The following TAFA4 variants were observed in gnomAD, a reference collection of about 807,000 sequenced individuals.
TAFA4 encodes TAFA chemokine like family member 4.
A neutral mutation model predicts 21.1 loss-of-function variants in TAFA4; 20 were observed. The ratio of observed to expected loss-of-function variants is 0.95; its 90% CI spans 0.67 to 1.38. The LOEUF (loss-of-function observed/expected upper bound fraction) is 1.38, where lower values mean the gene tolerates loss of function less well. Among genes scored for constraint, TAFA4 ranks in the 40% most tolerant of loss-of-function variants. TAFA4 has a pLI of 0.00. For synonymous variants in TAFA4, 71 were observed against 67.4 expected (o/e 1.05, Z -0.26); for missense variants, 211 against 180.9 (o/e 1.17, Z -0.95).
chr3:68,854,459 T>C (rs1705021470), intron 3 of TAFA4, among the ~76,000 whole-genome samples: 1 of 152,054 alleles, frequency 6.6e-6, no homozygotes, highest in South Asian at 2.1e-4. Context: ...TCTAGATTCA[T>C]ATACATTTTC....
intron 1 of TAFA4, among the ~76,000 whole-genome samples, chr3:68,920,593 A>T (rs2090049604): frequency 6.6e-6 from 1 of 152,146 alleles, no homozygotes; most frequent in African/African-American, 2.4e-5. Context: ...GGAGAGATAG[A>T]AATGGGTTGT....
At chr3:68,880,190 AGAC>A (rs1345872028) in intron 3 of TAFA4, among the ~76,000 whole-genome samples, 4 of 152,208 alleles carry the variant, frequency 2.6e-5, no homozygotes, top group Admixed American at 2.0e-4. Context: ...CTAAATCTTT[AGAC>A]AACACCCATT....
chr3:68,900,574 G>T (rs1348608436), intron 1 of TAFA4, among the ~76,000 whole-genome samples: 6 of 152,024 alleles, frequency 3.9e-5, no homozygotes, highest in Non-Finnish European at 7.4e-5. Context: ...CCAAATTTTA[G>T]TCTTTTCTTC....
At chr3:68,862,785 C>T (rs928564637) in intron 3 of TAFA4, among the ~76,000 whole-genome samples, 3 of 151,882 alleles carry the variant, frequency 2.0e-5, no homozygotes, top group Admixed American at 6.6e-5. Flanking sequence ...ACTAAAACCA[C>T]CACTAGCCAC....
At chr3:68,851,122 G>A (rs1704938036) in intron 3 of TAFA4, among the ~76,000 whole-genome samples, 2 of 152,128 alleles carry the variant, frequency 1.3e-5, no homozygotes, top group Non-Finnish European at 2.9e-5. Flanking sequence ...ACTGGATAAA[G>A]AAAATGTGGT....
chr3:68,886,247 G>C (rs752668770), intron 1 of TAFA4, among the ~76,000 whole-genome samples: 1 of 152,104 alleles, frequency 6.6e-6, no homozygotes, highest in Non-Finnish European at 1.5e-5. Flanking sequence ...GAACACTTTC[G>C]GTGATAAATT....
intron 1 of TAFA4, among the ~76,000 whole-genome samples, chr3:68,931,828 T>C (rs73835379): frequency 0.027 from 4,054 of 152,056 alleles, 182 homozygotes; most frequent in African/African-American, 0.092. Flanking sequence ...AGAAAGATCC[T>C]AGCTCAGATT....
intron 3 of TAFA4, among the ~76,000 whole-genome samples, chr3:68,764,008 A>C (rs1575599672): frequency 6.6e-6 from 1 of 152,288 alleles, no homozygotes; most frequent in East Asian, 1.9e-4. Flanking sequence ...AGTGAACCTA[A>C]TCCACTTATA....
At chr3:68,921,793 C>G (rs939037472) in intron 1 of TAFA4, among the ~76,000 whole-genome samples, 10 of 152,172 alleles carry the variant, frequency 6.6e-5, no homozygotes, top group African/African-American at 1.9e-4. Context: ...CTTGTTTTTT[C>G]CTAGTCCAAT....
chr3:68,844,037 GAGTT>G (rs1221673577), intron 3 of TAFA4, among the ~76,000 whole-genome samples: 2 of 152,194 alleles, frequency 1.3e-5, no homozygotes, highest in Non-Finnish European at 2.9e-5. Flanking sequence ...CTCATGAAAT[GAGTT>G]AGGGAGGAGT....
At chr3:68,773,017 G>GCAT (rs1346561139) in intron 3 of TAFA4, among the ~76,000 whole-genome samples, 1 of 152,124 alleles carries the variant, frequency 6.6e-6, no homozygotes, top group East Asian at 1.9e-4. Flanking sequence ...ATATGAGAGA[G>GCAT]CATCTATTAA....
intron 1 of TAFA4, among the ~76,000 whole-genome samples, chr3:68,893,258 T>G (rs558021927): frequency 2.6e-4 from 40 of 152,314 alleles, no homozygotes; most frequent in African/African-American, 9.4e-4. Context: ...CATGATAGGA[T>G]CTAACTTCTA....
At chr3:68,737,433 A>T (rs1702264927) in intron 5 of TAFA4, among the ~76,000 whole-genome samples, 1 of 152,170 alleles carries the variant, frequency 6.6e-6, no homozygotes, top group African/African-American at 2.4e-5. Flanking sequence ...CTCTGGACAT[A>T]AAAGCAGATA....
chr3:68,789,492 C>G (rs904563592), intron 3 of TAFA4, among the ~76,000 whole-genome samples: 2 of 152,136 alleles, frequency 1.3e-5, no homozygotes, highest in Admixed American at 1.3e-4. Context: ...GTAATCATTT[C>G]ACAATGTATA....
intron 3 of TAFA4, among the ~76,000 whole-genome samples, chr3:68,784,659 G>A (rs771893917): frequency 2.0e-5 from 3 of 152,210 alleles, no homozygotes; most frequent in Non-Finnish European, 2.9e-5. Context: ...ATTGCAAAGA[G>A]CAAAAGAACA....
At chr3:68,780,470 G>C (rs1490331187) in intron 3 of TAFA4, among the ~76,000 whole-genome samples, 3 of 152,172 alleles carry the variant, frequency 2.0e-5, no homozygotes, top group African/African-American at 7.2e-5. Flanking sequence ...TGAATCATGA[G>C]GGCAGGTCTT....
intron 3 of TAFA4, among the ~76,000 whole-genome samples, chr3:68,807,729 T>C (rs1703733787): frequency 6.6e-6 from 1 of 152,192 alleles, no homozygotes; most frequent in Non-Finnish European, 1.5e-5. Context: ...GTTGTTTTGT[T>C]CAGAGCTTTA....
chr3:68,742,256 C>T (rs1387965743), intron 4 of TAFA4, among the ~76,000 whole-genome samples: 2 of 96,534 alleles, frequency 2.1e-5, no homozygotes, highest in Middle Eastern at 4.6e-3. Context: ...TGGATATCTA[C>T]GCTCACCATT....
At chr3:68,778,621 G>A (rs1332746908) in intron 3 of TAFA4, among the ~76,000 whole-genome samples, 1 of 152,178 alleles carries the variant, frequency 6.6e-6, no homozygotes, top group Non-Finnish European at 1.5e-5. Flanking sequence ...AAAAAGAGGT[G>A]TTCCCCTGCA....
Sources: gnomAD v4.1 joint callset for allele counts (sites outside exome capture counted in the v4.1 genomes callset) on GRCh38, gnomAD v4.1.1 for gene constraint, MANE v1.5 for transcripts, NCBI Gene and HGNC (gene_info 2026-07-23, HGNC 2026-07-21) for gene names.